The following TTC21B variants were observed in gnomAD, a reference collection of about 807,000 sequenced individuals.
TTC21B encodes the protein tetratricopeptide repeat protein 21B.
Under a neutral mutation model 175.1 loss-of-function variants are expected in TTC21B, and 127 were observed. The ratio of observed to expected loss-of-function variants is 0.73; its 90% CI spans 0.63 to 0.84. The LOEUF (loss-of-function observed/expected upper bound fraction) is 0.84. TTC21B is among the 40% of genes least tolerant of loss of function. TTC21B has a pLI of 0.00. For missense variants in TTC21B, 1,561 were observed against 1,558.3 expected (o/e 1.00, Z -0.03); for synonymous variants, 524 against 524.5 (o/e 1.00, Z 0.01).
At chr2:165,901,607 G>A in intron 20 of TTC21B, 115 bp downstream of exon 20, 3 of 1,008,842 alleles carry the variant, frequency 3.0e-6, no homozygotes, top group South Asian at 2.7e-5. Flanking sequence ...ATAGGCATCA[G>A]CCACTGCACC....
chr2:165,910,664 C>T (rs138886710), intron 18 of TTC21B, among the ~76,000 whole-genome samples: 168 of 151,922 alleles, frequency 1.1e-3, no homozygotes, highest in African/African-American at 3.8e-3. Context: ...CATTATGATG[C>T]CTGTAGATAG....
intron 3 of TTC21B, 82 bp from the exon 4 acceptor site, chr2:165,945,772 A>T (rs1286395915): frequency 7.1e-7 from 1 of 1,412,822 alleles, no homozygotes; most frequent in Non-Finnish European, 9.7e-7. Context: ...ACAAGGCAAA[A>T]AATTTACTTC....
At chr2:165,913,784 T>C in intron 15 of TTC21B, 138 bp from the exon 16 acceptor site, 2 of 684,978 alleles carry the variant, frequency 2.9e-6, no homozygotes, top group South Asian at 3.9e-5. Flanking sequence ...AACAGTGTAA[T>C]ATTATAAAAA....
At chr2:165,910,236 T>C (rs1236214049) in intron 18 of TTC21B, among the ~76,000 whole-genome samples, 4 of 151,998 alleles carry the variant, frequency 2.6e-5, no homozygotes, top group African/African-American at 9.7e-5. Flanking sequence ...AACTCGTCTC[T>C]ACTAAAAATA....
intron 16 of TTC21B, 107 bp from the exon 17 acceptor site, chr2:165,912,731 G>A (rs1323810377): frequency 1.2e-6 from 1 of 869,110 alleles, no homozygotes; most frequent in Non-Finnish European, 1.9e-6. Flanking sequence ...TATTACATAA[G>A]ACTTGGCATA....
At position 165,874,841 on chromosome 2, in the gene TTC21B, CAAAT is replaced by C. The variant is rs763460455; in HGVS notation, c.3874-13_3874-10del. The C allele has an allele frequency of 4.8e-5, 78 of 1,612,834 alleles. No individual in the cohort carries two copies. Among genetic ancestry groups the C allele is most frequent in the Admixed American group, 1.0e-4 (6 of 59,980 alleles). On this transcript the variant is annotated splice_polypyrimidine_tract_variant and intron_variant, in intron 28 of 28. Coordinates refer to ENST00000243344, the MANE Select transcript of TTC21B (RefSeq NM_024753.5). ...GGATGTGCTTCAAGAACCTGCAAAA[CAAAT>C]AAAGAACCCATAAAAACTTGTAACT...
At chr2:165,875,955 A>C (rs1559033658) in intron 28 of TTC21B, among the ~76,000 whole-genome samples, 1 of 151,982 alleles carries the variant, frequency 6.6e-6, no homozygotes, top group African/African-American at 2.4e-5. Context: ...TAAACATTTT[A>C]TTATTTGATC....
At chr2:165,905,961 C>T (rs971262580) in intron 19 of TTC21B, among the ~76,000 whole-genome samples, 5 of 152,156 alleles carry the variant, frequency 3.3e-5, no homozygotes, top group African/African-American at 1.2e-4. Context: ...CAACAAATTG[C>T]AAAGGATTGA....
rs1360579056 is a variant in TTC21B, at chr2:165,881,477, A to ATGTC, written c.3685-682_3685-679dup. On this transcript the variant is annotated intron_variant, in intron 26 of 28. Coordinates refer to ENST00000243344, the MANE Select transcript of TTC21B (RefSeq NM_024753.5). ...TTGATCCAGAGGTTTCCCTTCTGGT[A>ATGTC]TGTCTGTCTGTCTCTCTGTGTCTCT... Among the ~76,000 whole-genome samples, 4 of 152,226 alleles carry ATGTC rather than the reference A, an allele frequency of 2.6e-5. No individual in the cohort carries two copies. The South Asian group carries it at 8.3e-4, about 32-fold the overall frequency.
intron 6 of TTC21B, among the ~76,000 whole-genome samples, chr2:165,935,306 A>G (rs1687088202): frequency 6.6e-6 from 1 of 152,182 alleles, no homozygotes; most frequent in Admixed American, 6.5e-5. Context: ...TGGATTCAAC[A>G]ATCTCTCCTT....
chr2:165,935,217 T>C (rs1250493756), intron 6 of TTC21B, among the ~76,000 whole-genome samples: 1 of 152,210 alleles, frequency 6.6e-6, no homozygotes, highest in Non-Finnish European at 1.5e-5. Context: ...TGGGGAAACA[T>C]TCTTCTATTA....
intron 4 of TTC21B, among the ~76,000 whole-genome samples, chr2:165,943,835 G>A (rs1687454103): frequency 6.6e-6 from 1 of 152,076 alleles, no homozygotes; most frequent in Admixed American, 6.6e-5. Flanking sequence ...TCAAATGACA[G>A]GTGGATAGCC....
chr2:165,929,778 G>A (rs1321954549), intron 9 of TTC21B, 31 bp from the exon 10 acceptor site: 11 of 1,461,180 alleles, frequency 7.5e-6, no homozygotes, highest in Non-Finnish European at 1.1e-5. Flanking sequence ...GACAGTCAAA[G>A]TCCACACCAA....
At chr2:165,898,628 A>T (rs1407243741) in intron 22 of TTC21B, 58 bp downstream of exon 22, 6 of 1,183,234 alleles carry the variant, frequency 5.1e-6, no homozygotes, top group Non-Finnish European at 6.3e-6. Flanking sequence ...TAAACAGAAG[A>T]AAAAAGGAGA....
At chr2:165,898,436 G>C (rs917168615) in intron 22 of TTC21B, among the ~76,000 whole-genome samples, 1 of 152,096 alleles carries the variant, frequency 6.6e-6, no homozygotes, top group Non-Finnish European at 1.5e-5. Context: ...AAAGTAGTTC[G>C]AATCAATGAA....
chr2:165,879,357 T>C (rs1684769278), intron 27 of TTC21B, among the ~76,000 whole-genome samples: 1 of 152,246 alleles, frequency 6.6e-6, no homozygotes, highest in Non-Finnish European at 1.5e-5. Flanking sequence ...TTCTGAAAGA[T>C]ATATCACACC....
intron 21 of TTC21B, among the ~76,000 whole-genome samples, chr2:165,899,511 G>A (rs1293033138): frequency 1.3e-5 from 2 of 152,062 alleles, no homozygotes; most frequent in Non-Finnish European, 2.9e-5. Context: ...ACCTGACCAA[G>A]CATCCCCTTA....
intron 1 of TTC21B, 128 bp downstream of exon 1, chr2:165,953,557 C>G: frequency 1.4e-6 from 2 of 1,467,384 alleles, no homozygotes; most frequent in Non-Finnish European, 9.2e-7. Context: ...ACCCGAGCAG[C>G]CGGGGCACCG....
intron 26 of TTC21B, among the ~76,000 whole-genome samples, chr2:165,882,968 G>A (rs1166032685): frequency 6.6e-6 from 1 of 152,036 alleles, no homozygotes; most frequent in Non-Finnish European, 1.5e-5. Context: ...TGCATAAATT[G>A]ACAAATGCTT....
Sources: allele counts gnomAD v4.1 joint callset (sites outside exome capture counted in the v4.1 genomes callset), GRCh38; gene constraint gnomAD v4.1.1; transcripts MANE v1.5; gene names NCBI Gene and HGNC (gene_info 2026-07-23, HGNC 2026-07-21).